Variants in MTERF4 observed in about 807,000 individuals in gnomAD.
MTERF4 encodes the protein transcription termination factor 4, mitochondrial.
MTERF4 carries 17 observed loss-of-function variants against 22.5 expected under a neutral mutation model. The observed-to-expected ratio is 0.75, with a 90% CI of 0.52 to 1.13. The LOEUF (loss-of-function observed/expected upper bound fraction) is 1.13. MTERF4 is among the 50% of genes most tolerant of loss of function. MTERF4 has a pLI of 0.00. For synonymous variants in MTERF4, 165 were observed against 175.3 expected (o/e 0.94, Z 0.47); for missense variants, 420 against 466.8 (o/e 0.90, Z 0.92).
Position 241,073,240 on chromosome 2 carries a change from T to G in MTERF4, n.2922A>C. 1 of 1,528,300 alleles carries G rather than the reference T, an allele frequency of 6.5e-7. No homozygotes were observed. The highest frequency in any genetic ancestry group is 8.9e-7 in the Non-Finnish European group (1 of 1,126,686). The allele number at this position is 1,528,300 out of a possible 1,614,324, so 94.7% of individuals were successfully genotyped here. On this transcript the variant is annotated non_coding_transcript_exon_variant, in exon 5 of 5. Transcript: ENST00000464344. The surrounding 1 kb of genome is among the most constrained non-coding windows in gnomAD (Gnocchi z 6.6). ...TCCCGGGTGCAAAGCAGCTGCGCCG[T>G]GTGGTCACCGCCTGGCTTCTCCTAG... is the stretch of plus-strand genomic sequence containing the variant.
chr2:241,064,828 C>T, the MTERF4 span: 2 of 1,565,324 alleles, frequency 1.3e-6, no homozygotes, highest in Non-Finnish European at 1.7e-6. The surrounding 1 kb of genome is among the most constrained non-coding windows in gnomAD (Gnocchi z 7.0). Context: ...TACACTGCCA[C>T]TTTTTCTCCC....
the MTERF4 span, chr2:241,064,997 G>C: frequency 6.8e-7 from 1 of 1,468,620 alleles, no homozygotes; most frequent in Admixed American, 2.3e-5. This position sits in a 1 kb window ranked among gnomAD's most constrained non-coding sequence, Gnocchi z 7.0. Flanking sequence ...AGCCACGAGG[G>C]GGTCCCCTCT....
At chr2:241,052,342 T>G in the MTERF4 span, 8 of 1,564,448 alleles carry the variant, frequency 5.1e-6, no homozygotes, top group African/African-American at 8.1e-5. Flanking sequence ...AGGACCTTCC[T>G]GCATTCTGGC....
the MTERF4 span, among the ~76,000 whole-genome samples, chr2:241,057,836 GATA>G: frequency 8.1e-4 from 124 of 152,272 alleles, no homozygotes; most frequent in African/African-American, 2.8e-3. Flanking sequence ...AAAGAAGTAA[GATA>G]ATAATAAGAT....
chr2:241,052,470 TGA>T, the MTERF4 span: 10 of 1,603,302 alleles, frequency 6.2e-6, no homozygotes, highest in Non-Finnish European at 8.5e-6. Flanking sequence ...GCCAGGCAGG[TGA>T]GAGGGTCAGG....
the MTERF4 span, among the ~76,000 whole-genome samples, chr2:241,055,710 TCTCA>T: frequency 1.3e-5 from 2 of 152,178 alleles, no homozygotes; most frequent in African/African-American, 4.8e-5. Flanking sequence ...GAGAGTAAGT[TCTCA>T]GCACCTACCA....
chr2:241,102,090 G>T, intron 1 of MTERF4, 163 bp downstream of exon 1: 4 of 855,872 alleles, frequency 4.7e-6, no homozygotes, highest in East Asian at 2.8e-5. Context: ...CACAATAATT[G>T]AGCAGAGCCA....
chr2:241,088,012 G>C (rs570000074), downstream of MTERF4: 6 of 393,452 alleles, frequency 1.5e-5, no homozygotes, highest in African/African-American at 1.2e-4. Flanking sequence ...AAGTGTCCGG[G>C]CAAGGCCGCA....
At chr2:241,053,152 G>A in the MTERF4 span, 1 of 1,609,144 alleles carries the variant, frequency 6.2e-7, no homozygotes, top group South Asian at 1.1e-5. Flanking sequence ...GTGCCTTGCA[G>A]AGGTGGACTG....
At chr2:241,067,232 C>T (rs948271539), downstream of MTERF4, among the ~76,000 whole-genome samples, 2 of 152,236 alleles carry the variant, frequency 1.3e-5, no homozygotes, top group Non-Finnish European at 2.9e-5. Flanking sequence ...CCTCTGGGCT[C>T]TGCCTGGTGC....
chr2:241,066,059 C>T, the MTERF4 span, among the ~76,000 whole-genome samples: 7 of 152,190 alleles, frequency 4.6e-5, 1 homozygote, highest in East Asian at 1.2e-3. Context: ...GGGGAGGCAT[C>T]GGTGGCTCAA....
the MTERF4 span, among the ~76,000 whole-genome samples, chr2:241,055,624 T>C: frequency 8.0e-3 from 1,226 of 152,324 alleles, 17 homozygotes; most frequent in African/African-American, 0.027. Flanking sequence ...TGTTGGCTGC[T>C]TTCATCCTCC....
chr2:241,087,425 C>A (rs372568480), downstream of MTERF4: 13 of 1,604,262 alleles, frequency 8.1e-6, no homozygotes, highest in African/African-American at 1.3e-5. Context: ...ACCAAGACAT[C>A]TGCTTCAAAG....
At chr2:241,065,399 T>C in the MTERF4 span, 2 of 1,613,172 alleles carry the variant, frequency 1.2e-6, no homozygotes. Flanking sequence ...GGCAGATGCT[T>C]GATGGCTACG....
the MTERF4 span, chr2:241,049,804 C>T: frequency 2.4e-5 from 39 of 1,604,522 alleles, no homozygotes; most frequent in African/African-American, 4.8e-4. Flanking sequence ...CACCCTCTGT[C>T]CCCCGCCCCC....
downstream of MTERF4, chr2:241,070,263 A>G (rs759313827): frequency 2.0e-6 from 3 of 1,504,458 alleles, no homozygotes; most frequent in Non-Finnish European, 2.7e-6. Context: ...CACCCTGTTC[A>G]GGACTGACCT....
the MTERF4 span, chr2:241,063,290 G>T: frequency 2.0e-6 from 1 of 504,270 alleles, no homozygotes; most frequent in Admixed American, 3.2e-5. Flanking sequence ...CAGGCTCCAG[G>T]GAGGGCAAGG....
downstream of MTERF4, among the ~76,000 whole-genome samples, chr2:241,083,002 G>C (rs148408373): frequency 3.3e-5 from 5 of 152,168 alleles, no homozygotes; most frequent in East Asian, 9.6e-4. Context: ...GCACACATCA[G>C]AACAGAGCAG....
rs114558653 is a variant in MTERF4, at chr2:241,096,013, G to A, written c.1131C>T (p.Asp377=). The A allele has an allele frequency of 2.3e-4, 366 of 1,613,714 alleles. 1 individual carries two copies. In the African/African-American group the frequency reaches 4.4e-3, roughly 20 times the overall value. ...EAEDNDEDED[D]DEEE ...TCCATCACAGCTATTCCTCCTCGTC[G>A]TCGTCCTCATCCTCATCATTGTCCT... is the stretch of plus-strand genomic sequence containing the variant. Residue 377 remains aspartate, a synonymous_variant, in exon 4 of 4, where the codon GAC becomes GAT. Coordinates refer to ENST00000391980, the MANE Select transcript of MTERF4 (RefSeq NM_182501.4). This position sits in a 1 kb window ranked among gnomAD's most constrained non-coding sequence, Gnocchi z 5.1.
Sources: gnomAD v4.1 joint callset for allele counts (sites outside exome capture counted in the v4.1 genomes callset) on GRCh38, gnomAD v4.1.1 for gene constraint, Gnocchi (gnomAD v3.1) non-coding constraint, MANE v1.5 for transcripts, NCBI Gene and HGNC (gene_info 2026-07-23, HGNC 2026-07-21) for gene names.